ULK2: variants seen among roughly 807,000 people sequenced by gnomAD.
ULK2 encodes the protein serine/threonine-protein kinase ULK2.
ULK2 carries 76 observed loss-of-function variants against 127.5 expected under a neutral mutation model. That is an observed-to-expected ratio of 0.60 (90% confidence interval 0.50 to 0.72). ULK2 has a LOEUF of 0.72. ULK2 is among the 30% of genes least tolerant of loss of function. The pLI is 0.00. For missense variants in ULK2, 1,144 were observed against 1,295.9 expected (o/e 0.88, Z 1.80); for synonymous variants, 452 against 461.9 (o/e 0.98, Z 0.28).
chr17:19,770,989 T>C lies in ULK2; in HGVS notation c.*5360A>G, dbSNP rs958119351. Reference sequence around the variant, plus strand: ...CCTCACCTGTTTCTTGAAATTTTGCTGCCTTCCACTAGGCAGATGGGTCCA... The same window carrying C: ...CCTCACCTGTTTCTTGAAATTTTGCCGCCTTCCACTAGGCAGATGGGTCCA... On this transcript the variant is annotated 3_prime_UTR_variant, in exon 27 of 27. Coordinates refer to ENST00000395544, the MANE Select transcript of ULK2 (RefSeq NM_014683.4). 1 of 152,242 alleles carries C rather than the reference T, an allele frequency of 6.6e-6. No individual in the cohort carries two copies. Among genetic ancestry groups the C allele is most frequent in the Admixed American group, 6.5e-5 (1 of 15,290 alleles). The allele number at this position is 152,242 out of a possible 1,614,324, so 9.4% of individuals were successfully genotyped here.
chr17:19,826,872 G>A (rs2041309818), intron 10 of ULK2, among the ~76,000 whole-genome samples: 2 of 152,032 alleles, frequency 1.3e-5, no homozygotes, highest in Admixed American at 6.5e-5. Flanking sequence ...CAGGAGAATG[G>A]CGTGAACCCG....
intron 25 of ULK2, among the ~76,000 whole-genome samples, chr17:19,778,361 A>G (rs532606763): frequency 6.6e-6 from 1 of 152,304 alleles, no homozygotes; most frequent in South Asian, 2.1e-4. Flanking sequence ...TTACGGAAGG[A>G]GAAGATGATT....
chr17:19,777,442 A>T, intron 26 of ULK2, 139 bp downstream of exon 26: 1 of 916,920 alleles, frequency 1.1e-6, no homozygotes, highest in Non-Finnish European at 1.6e-6. Flanking sequence ...GAGGCCACAC[A>T]AAGGCTGTGA....
chr17:19,867,610 TC>T lies in ULK2; in HGVS notation c.-194del, dbSNP rs1597834617. On this transcript the variant is annotated 5_prime_UTR_variant, in exon 1 of 27. The change abolishes the stop of an existing upstream ORF in the 5' untranslated region. Transcript: ENST00000395544. ...GGGAAGCTGCCGCGCGGAGCCAGGGTCAGCGAGGCCCGGCCCGGCCCCTGCC... is the reference window on the plus strand; with the variant it reads ...GGGAAGCTGCCGCGCGGAGCCAGGGTAGCGAGGCCCGGCCCGGCCCCTGCC... 7 of 293,650 alleles carry T rather than the reference TC, an allele frequency of 2.4e-5. No homozygotes were observed. The East Asian group carries it at 4.3e-4, about 18-fold the overall frequency. The allele number at this position is 293,650 out of a possible 1,614,324, so 18.2% of individuals were successfully genotyped here.
At chr17:19,839,833 A>G (rs1270450352) in intron 9 of ULK2, among the ~76,000 whole-genome samples, 1 of 152,138 alleles carries the variant, frequency 6.6e-6, no homozygotes, top group Non-Finnish European at 1.5e-5. Context: ...ATGAGGGAAA[A>G]GGAGCAGTCT....
intron 9 of ULK2, among the ~76,000 whole-genome samples, chr17:19,838,895 G>A (rs1190537740): frequency 6.6e-6 from 1 of 151,936 alleles, no homozygotes; most frequent in Non-Finnish European, 1.5e-5. Flanking sequence ...GCTGGGCGTG[G>A]TGGCGGGCAC....
chr17:19,811,922 A>AT (rs2087650611), intron 13 of ULK2, among the ~76,000 whole-genome samples: 1 of 152,162 alleles, frequency 6.6e-6, no homozygotes, highest in African/African-American at 2.4e-5. Context: ...CCATGTTGTA[A>AT]TTTTGAAACT....
At chr17:19,833,196 T>C (rs8066675) in intron 10 of ULK2, among the ~76,000 whole-genome samples, 3,416 of 149,278 alleles carry the variant, frequency 0.023, 112 homozygotes, top group African/African-American at 0.076. Flanking sequence ...AAATCTAAAG[T>C]TGCTATCTGT....
At chr17:19,864,003 T>C (rs927195697) in intron 3 of ULK2, among the ~76,000 whole-genome samples, 1 of 152,152 alleles carries the variant, frequency 6.6e-6, no homozygotes, top group African/African-American at 2.4e-5. Context: ...ATTGCTTTCA[T>C]AAGAAGAAAA....
In ULK2 at chr17:19,865,377, A is replaced by G. The variant is rs560498108; in HGVS notation, c.183+359T>C. Among the ~76,000 whole-genome samples, 7 of 152,306 alleles carry G rather than the reference A, an allele frequency of 4.6e-5. No homozygotes were observed. In the South Asian group the frequency reaches 1.4e-3, roughly 32 times the overall value. ...TTCTTCAATTTAAAGAAAGACCCCA[A>G]GCACCCCTACTCCCCCCAAAAAACT... On this transcript the variant is annotated intron_variant, in intron 2 of 26. Transcript: ENST00000395544.
chr17:19,826,379 T>C (rs2041297601), intron 10 of ULK2, among the ~76,000 whole-genome samples, 193 bp from the exon 11 acceptor site: 1 of 152,096 alleles, frequency 6.6e-6, no homozygotes, highest in Non-Finnish European at 1.5e-5. Flanking sequence ...TTTATAATCA[T>C]ATAAAATAAT....
chr17:19,799,813 A>T (rs2087357747), intron 16 of ULK2, among the ~76,000 whole-genome samples: 1 of 152,222 alleles, frequency 6.6e-6, no homozygotes, highest in African/African-American at 2.4e-5. Flanking sequence ...GGGGAAGAAA[A>T]ACCACATAAA....
intron 3 of ULK2, among the ~76,000 whole-genome samples, chr17:19,863,099 A>G (rs1462791902): frequency 6.6e-6 from 1 of 152,028 alleles, no homozygotes. Context: ...CTATAATCCC[A>G]GCTACTTGGG....
chr17:19,852,434 T>C (rs887233318), intron 3 of ULK2, among the ~76,000 whole-genome samples: 4 of 143,456 alleles, frequency 2.8e-5, no homozygotes, highest in African/African-American at 7.9e-5. Flanking sequence ...GGCAGGAGAA[T>C]AGTGTGAACC....
intron 6 of ULK2, 33 bp downstream of exon 6, chr17:19,846,704 G>T: frequency 6.7e-7 from 1 of 1,502,310 alleles, no homozygotes; most frequent in Non-Finnish European, 8.9e-7. Flanking sequence ...TTCAAAAAAT[G>T]TCCTTTCCAT....
chr17:19,803,047 T>C (rs1209427851), intron 15 of ULK2, among the ~76,000 whole-genome samples: 1 of 152,236 alleles, frequency 6.6e-6, no homozygotes, highest in Non-Finnish European at 1.5e-5. Flanking sequence ...AACATTCCAA[T>C]TTTTGCTTAA....
rs1638522 is a variant in ULK2 at position 19,781,029 on chromosome 17, C to G, written c.2715G>C (p.Gln905His). The G allele has an allele frequency of 6.2e-7, 1 of 1,613,944 alleles. No homozygotes were observed. Among genetic ancestry groups the G allele is most frequent in the Non-Finnish European group, 8.5e-7 (1 of 1,180,026 alleles). ...LAASLHLAKA[Q>H]IKSGKLSPST... ...ATGGGCTCAGTTTCCCGGACTTGATCTGGGCTTTGGCAAGATGCAGAGAAG... is the reference window on the plus strand; with the variant it reads ...ATGGGCTCAGTTTCCCGGACTTGATGTGGGCTTTGGCAAGATGCAGAGAAG... Residue 905 changes from glutamine (Q) to histidine (H), a missense_variant, in exon 24 of 27, where the codon CAG (glutamine) becomes CAC (histidine). This residue lies in a region of ULK2 where 913 missense variants were observed against 970.5 expected (regional missense o/e 0.94). Coordinates refer to ENST00000395544, the MANE Select transcript of ULK2 (RefSeq NM_014683.4).
chr17:19,849,541 A>G, intron 4 of ULK2, 136 bp from the exon 5 acceptor site: 2 of 994,656 alleles, frequency 2.0e-6, no homozygotes, highest in Non-Finnish European at 2.9e-6. Context: ...TAGATTCAAA[A>G]TTTTTTAAAT....
intron 20 of ULK2, among the ~76,000 whole-genome samples, chr17:19,788,951 T>C (rs1567677857): frequency 6.6e-6 from 1 of 152,018 alleles, no homozygotes; most frequent in Non-Finnish European, 1.5e-5. Flanking sequence ...ATTTCTAAGG[T>C]TTTTTATTCC....
Sources: gnomAD v4.1 joint callset for allele counts (sites outside exome capture counted in the v4.1 genomes callset) on GRCh38, gnomAD v4.1.1 for gene constraint, gnomAD v4.1.1 regional missense constraint, MANE v1.5 for transcripts, NCBI Gene and HGNC (gene_info 2026-07-23, HGNC 2026-07-21) for gene names.